Variants in RYR3 observed in about 807,000 individuals in gnomAD.
RYR3 encodes the protein ryanodine receptor 3.
A neutral mutation model predicts 584.3 loss-of-function variants in RYR3; 207 were observed. That is an observed-to-expected ratio of 0.35 (90% confidence interval 0.32 to 0.40). RYR3 has a LOEUF of 0.40. Among genes scored for constraint, RYR3 ranks in the 10% least tolerant of loss-of-function variants. RYR3 has a pLI of 1.00. For synonymous variants in RYR3, 2,416 were observed against 2,248.5 expected, an observed-to-expected ratio of 1.07 and a Z score of -2.11; for missense variants, 5,616 against 6,089.2, an observed-to-expected ratio of 0.92 and a Z score of 2.59.
intron 20 of RYR3, among the ~76,000 whole-genome samples, chr15:33,625,751 A>G (rs2060952148): frequency 6.6e-6 from 1 of 152,174 alleles, no homozygotes; most frequent in Admixed American, 6.5e-5. Flanking sequence ...TCCTAAGGAG[A>G]ACAGATAGGA....
intron 1 of RYR3, among the ~76,000 whole-genome samples, chr15:33,411,713 T>C (rs1404153835): frequency 6.6e-6 from 1 of 152,150 alleles, no homozygotes; most frequent in Non-Finnish European, 1.5e-5. Flanking sequence ...TTTATGAGGG[T>C]ATCTGAGGTT....
At chr15:33,770,107 A>C (rs2073444383) in intron 62 of RYR3, among the ~76,000 whole-genome samples, 1 of 143,740 alleles carries the variant, frequency 7.0e-6, no homozygotes, top group East Asian at 2.1e-4. Flanking sequence ...AATAATGTAG[A>C]GAGACCTCAT....
chr15:33,483,904 T>G (rs928475636), intron 2 of RYR3, among the ~76,000 whole-genome samples: 2 of 152,190 alleles, frequency 1.3e-5, no homozygotes, highest in African/African-American at 4.8e-5. Context: ...TCCCCATGGA[T>G]CCTATGAACA....
intron 74 of RYR3, among the ~76,000 whole-genome samples, chr15:33,814,531 C>T (rs1285950001): frequency 6.6e-6 from 1 of 152,156 alleles, no homozygotes; most frequent in Non-Finnish European, 1.5e-5. Flanking sequence ...CATCATTTGT[C>T]CAGAGTAGCC....
chr15:33,736,253 G>A lies in RYR3; in HGVS notation c.7443G>A (p.Met2481Ile), dbSNP rs1596361332. Residue 2481 changes from methionine to isoleucine, a missense_variant, in exon 49 of 104, where the codon ATG becomes ATA. Around this residue, in one of 9 missense-constraint regions of RYR3, gnomAD observed 1,280 missense variants for 1,426.2 expected, o/e 0.90. Coordinates refer to ENST00000634891, the MANE Select transcript of RYR3 (RefSeq NM_001036.6). ...ACTGCAGTCACTTGAGGCCTTCCATGTTACAGCAACTCCTGCGACGCCTCG... is the reference window on the plus strand; with the variant it reads ...ACTGCAGTCACTTGAGGCCTTCCATATTACAGCAACTCCTGCGACGCCTCG... ...LAICNHLRPS[M>I]LQQLLRRLVF... 1.2e-6 allele frequency: 2 copies of A among 1,612,354 alleles called. No individual in the cohort carries two copies. Among genetic ancestry groups the A allele is most frequent in the Admixed American group, 1.7e-5 (1 of 59,980 alleles).
intron 57 of RYR3, among the ~76,000 whole-genome samples, chr15:33,754,280 T>A (rs1483396642): frequency 6.6e-6 from 1 of 152,226 alleles, no homozygotes; most frequent in Non-Finnish European, 1.5e-5. Context: ...GATCCTGTTA[T>A]GATGCAAGTC....
At chr15:33,463,617 A>G (rs894299274) in intron 1 of RYR3, among the ~76,000 whole-genome samples, 1 of 152,294 alleles carries the variant, frequency 6.6e-6, no homozygotes, top group Non-Finnish European at 1.5e-5. Flanking sequence ...GTTCTGCCTG[A>G]GAGAGAATTA....
At chr15:33,379,687 C>CTATATATATATATA (rs1555448829) in intron 1 of RYR3, among the ~76,000 whole-genome samples, 15 of 125,488 alleles carry the variant, frequency 1.2e-4, no homozygotes, top group African/African-American at 2.1e-4. Flanking sequence ...CTCTCTCTCT[C>CTATATATATATATA]TATATATATA....
At position 33,566,816 on chromosome 15, in the gene RYR3, C is replaced by T. The variant is rs1451406571; in HGVS notation, c.1268+17C>T. ...GTTTGTCAGGTATGTTAGCTCCTTT[C>T]CTCCTCTACCTAGTGAGTTTGACTC... On this transcript the variant is annotated intron_variant, in intron 12 of 103. Transcript: ENST00000634891. The T allele has an allele frequency of 2.5e-6, 4 of 1,613,390 alleles. No individual in the cohort carries two copies. The highest frequency in any genetic ancestry group is 8.5e-7 in the Non-Finnish European group (1 of 1,179,492).
chr15:33,690,447 G>T (rs1438848338), intron 38 of RYR3, among the ~76,000 whole-genome samples: 3 of 152,180 alleles, frequency 2.0e-5, no homozygotes, highest in East Asian at 3.8e-4. Context: ...TCAATGTGAG[G>T]TGTCTTACTC....
intron 1 of RYR3, among the ~76,000 whole-genome samples, chr15:33,359,742 C>T (rs1437518489): frequency 6.6e-6 from 1 of 152,000 alleles, no homozygotes; most frequent in Admixed American, 6.6e-5. Context: ...CCTCAGCCTC[C>T]GAAGTAGCTG....
At chr15:33,631,102 G>A in intron 22 of RYR3, 108 bp from the exon 23 acceptor site, 1 of 672,500 alleles carries the variant, frequency 1.5e-6, no homozygotes, top group South Asian at 2.0e-5. Context: ...ACTGACCCCT[G>A]GGCTAAATGA....
At chr15:33,582,074 T>G (rs877087) in intron 14 of RYR3, among the ~76,000 whole-genome samples, 2 of 152,038 alleles carry the variant, frequency 1.3e-5, no homozygotes, top group Non-Finnish European at 1.5e-5. Flanking sequence ...GCCTGTAATT[T>G]ATTTCATTTT....
chr15:33,630,965 A>G (rs2061234955), intron 22 of RYR3, among the ~76,000 whole-genome samples: 2 of 152,294 alleles, frequency 1.3e-5, no homozygotes, highest in Middle Eastern at 6.8e-3. Context: ...AACAGAGTCA[A>G]GCTCATTGGT....
chr15:33,754,768 T>TG (rs11412777), intron 57 of RYR3, among the ~76,000 whole-genome samples: 48,067 of 152,076 alleles, frequency 0.32, 9,359 homozygotes, highest in African/African-American at 0.56. Context: ...ATTTTGTTTT[T>TG]TCTGTTTACA....
chr15:33,680,023 A>T (rs2064475332), intron 38 of RYR3, among the ~76,000 whole-genome samples: 1 of 152,236 alleles, frequency 6.6e-6, no homozygotes, highest in African/African-American at 2.4e-5. Context: ...TTCCAGCAGC[A>T]TGGGTTTGAA....
At chr15:33,659,919 C>A (rs1191913413) in intron 33 of RYR3, 113 bp downstream of exon 33, 3 of 736,332 alleles carry the variant, frequency 4.1e-6, no homozygotes, top group South Asian at 1.7e-5. Context: ...TTCCCATAAG[C>A]CCCCCACCCC....
intron 42 of RYR3, among the ~76,000 whole-genome samples, chr15:33,706,522 C>T (rs913414320): frequency 2.6e-5 from 4 of 152,160 alleles, no homozygotes; most frequent in Admixed American, 6.5e-5. Flanking sequence ...TTTCACTTAG[C>T]GAATGTCCTC....
chr15:33,365,688 A>G (rs905566300), intron 1 of RYR3, among the ~76,000 whole-genome samples: 16 of 152,228 alleles, frequency 1.1e-4, no homozygotes, highest in Non-Finnish European at 2.1e-4. Context: ...AGCTCATGTT[A>G]AATATTCTTA....
Sources: allele counts gnomAD v4.1 joint callset (sites outside exome capture counted in the v4.1 genomes callset), GRCh38; gene constraint gnomAD v4.1.1; regional missense constraint gnomAD v4.1.1; transcripts MANE v1.5; gene names NCBI Gene and HGNC (gene_info 2026-07-23, HGNC 2026-07-21).